The following PRKDC variants were observed in gnomAD, a reference collection of about 807,000 sequenced individuals.
The protein encoded by PRKDC is protein kinase, DNA-activated, catalytic subunit, also known as DNA-dependent protein kinase catalytic subunit.
In PRKDC, 82 loss-of-function variants were observed where a neutral mutation model predicts 486.9. The ratio of observed to expected loss-of-function variants is 0.17; its 90% confidence interval spans 0.14 to 0.20. The LOEUF is 0.20. Among genes scored for constraint, PRKDC ranks in the 10% least tolerant of loss-of-function variants. The pLI, the probability that PRKDC is intolerant of heterozygous loss-of-function variation, is 1.00. For missense variants in PRKDC, 4,504 were observed against 5,038.2 expected, an observed-to-expected ratio of 0.89 and a Z score of 3.21; for synonymous variants, 1,895 against 1,837.0, an observed-to-expected ratio of 1.03 and a Z score of -0.81.
intron 83 of PRKDC, 112 bp from the exon 84 acceptor site, chr8:47,777,986 G>C (rs2086634859): frequency 4.0e-6 from 4 of 1,007,828 alleles, no homozygotes. Flanking sequence ...TAAAAATACA[G>C]ACTCTGCTTC....
At chr8:47,879,397 A>T (rs2089159149) in intron 39 of PRKDC, 94 bp downstream of exon 39, 1 of 1,188,984 alleles carries the variant, frequency 8.4e-7, no homozygotes, top group Admixed American at 2.9e-5. Context: ...AACTTCTCTG[A>T]TTGTGGATAT....
intron 11 of PRKDC, among the ~76,000 whole-genome samples, chr8:47,937,252 C>G (rs2090368391): frequency 6.6e-6 from 1 of 152,010 alleles, no homozygotes; most frequent in Admixed American, 6.5e-5. Context: ...CAGTGAGGTT[C>G]CACCTCAAAA....
chr8:47,827,630 CT>C, intron 62 of PRKDC, among the ~76,000 whole-genome samples: 1 of 152,350 alleles, frequency 6.6e-6, no homozygotes, highest in Admixed American at 6.5e-5. Flanking sequence ...TCTTACACTG[CT>C]TTAACACTTC....
At position 47,929,098 on chromosome 8, in the gene PRKDC, G is replaced by A; in HGVS notation, c.2133C>T (p.Gly711=). The change falls in exon 19 of 86, where the codon GGC becomes GGT. Residue 711 remains glycine, a synonymous_variant. Coordinates refer to ENST00000314191, the MANE Select transcript of PRKDC (RefSeq NM_006904.7). ...YSCFALFVKF[G]KEVAVKMKQY... The stretch of plus-strand genomic sequence containing the variant: ...TAAATCATTTAAAAATTACCTCTTT[G>A]CCAAATTTCACAAATAAAGCAAAGC... 2 of 1,557,534 alleles carry A rather than the reference G, an allele frequency of 1.3e-6. No homozygotes were observed. The highest frequency in any genetic ancestry group is 8.7e-7 in the Non-Finnish European group (1 of 1,146,374).
chr8:47,943,875 C>T lies in PRKDC; in HGVS notation c.786G>A (p.Leu262=). ...TACCTGAGGGCACAGCATATCTCTT[C>T]AGATCAATCTATTTTAGAAAAGAAA... ...VLKAIRPQID[L]KRYAVPSAGL... is the part of the protein sequence containing the mutation. Residue 262 remains leucine, a synonymous_variant, in exon 9 of 86, where the codon CTG becomes CTA. Transcript: ENST00000314191. 1 of 1,593,486 alleles carries T rather than the reference C, an allele frequency of 6.3e-7. No homozygotes were observed. Among genetic ancestry groups the T allele is most frequent in the African/African-American group, 1.3e-5 (1 of 74,428 alleles).
intron 25 of PRKDC, among the ~76,000 whole-genome samples, chr8:47,909,790 T>G (rs1563798774): frequency 1.3e-5 from 2 of 152,170 alleles, no homozygotes; most frequent in Non-Finnish European, 2.9e-5. Context: ...AATATGGCCT[T>G]GTCTCCTGCA....
chr8:47,903,454 A>G (rs1288079871), intron 26 of PRKDC, among the ~76,000 whole-genome samples: 4 of 152,242 alleles, frequency 2.6e-5, no homozygotes, highest in Non-Finnish European at 5.9e-5. Flanking sequence ...TAACACTTCC[A>G]GTTATCTGCT....
rs1447974190 is a variant in PRKDC, at chr8:47,789,009, G to A, written c.10799C>T (p.Pro3600Leu). ...TTTTTCAATGTTTTTTTTATTTACAGGGGTTTTTGCTAGTTCAGCTCTTAC... is the reference window on the plus strand; with the variant it reads ...TTTTTCAATGTTTTTTTTATTTACAAGGGTTTTTGCTAGTTCAGCTCTTAC... The part of the protein sequence containing the change: ...NDVRAELAKT[P>L]VNKKNIEKMY... The change falls in exon 76 of 86, where the codon CCT (proline) becomes CTT (leucine). Residue 3600 changes from proline (P) to leucine (L), a missense_variant. By Grantham distance (98) the Pro-to-Leu change is moderately conservative. Coordinates refer to ENST00000314191, the MANE Select transcript of PRKDC (RefSeq NM_006904.7). 2 of 1,612,390 alleles carry A rather than the reference G, an allele frequency of 1.2e-6. No individual in the cohort carries two copies. The highest frequency in any genetic ancestry group is 1.7e-5 in the Admixed American group (1 of 59,884).
rs1483255592 is a variant in PRKDC at position 47,882,032 on chromosome 8, T to C, written c.4842A>G (p.Gln1614=). 1 of 1,614,042 alleles carries C rather than the reference T, an allele frequency of 6.2e-7. No homozygotes were observed. Among genetic ancestry groups the C allele is most frequent in the Non-Finnish European group, 8.5e-7 (1 of 1,179,876 alleles). Residue 1614 remains glutamine, a synonymous_variant, in exon 37 of 86, where the codon CAA becomes CAG. Transcript: ENST00000314191. ...SFRERANQKH[Q]GLKLATTILQ... is the part of the protein sequence containing the mutation. Reference sequence around the variant, plus strand: ...GAATTGTAGTCGCAAGTTTCAGTCCTTGGTGTTTCTGGTTTGCTCGCTCCC... The same window carrying C: ...GAATTGTAGTCGCAAGTTTCAGTCCCTGGTGTTTCTGGTTTGCTCGCTCCC...
intron 68 of PRKDC, among the ~76,000 whole-genome samples, chr8:47,813,219 G>A (rs1443659934): frequency 2.0e-5 from 3 of 151,956 alleles, no homozygotes; most frequent in Admixed American, 6.6e-5. Context: ...CTGGGTTCAA[G>A]TGATTCTCCT....
At chr8:47,812,854 T>C (rs950753525) in intron 68 of PRKDC, among the ~76,000 whole-genome samples, 1 of 151,712 alleles carries the variant, frequency 6.6e-6, no homozygotes, top group Non-Finnish European at 1.5e-5. Flanking sequence ...GAATCAAGTG[T>C]TAAAAAAGAG....
chr8:47,927,782 G>C lies in PRKDC; in HGVS notation c.2248C>G (p.Pro750Ala). 3 of 1,562,698 alleles carry C rather than the reference G, an allele frequency of 1.9e-6. No homozygotes were observed. The highest frequency in any genetic ancestry group is 2.6e-6 in the Non-Finnish European group (3 of 1,159,342). ...AAGACAACGCCTACCTGCAGTGCAGGAACGTAGGCTCTAACATCGAGTTCA... is the reference window on the plus strand; with the variant it reads ...AAGACAACGCCTACCTGCAGTGCAGCAACGTAGGCTCTAACATCGAGTTCA... ...IIELDVRAYV[P>A]ALQMAFKLGL... is the part of the protein sequence containing the mutation. Residue 750 changes from proline (P) to alanine (A), a missense_variant, in exon 20 of 86, where the codon CCT (proline) becomes GCT (alanine). This residue lies in a region of PRKDC where 1,969 missense variants were observed against 2,068.9 expected (regional missense o/e 0.95). Transcript: ENST00000314191.
intron 69 of PRKDC, 132 bp downstream of exon 69, chr8:47,807,005 T>C: frequency 1.0e-6 from 1 of 960,034 alleles, no homozygotes; most frequent in East Asian, 2.8e-5. Context: ...CAAGTTTACT[T>C]ATAAAGAGAG....
intron 21 of PRKDC, among the ~76,000 whole-genome samples, chr8:47,923,738 C>T (rs779910640): frequency 4.6e-5 from 7 of 152,242 alleles, no homozygotes; most frequent in Non-Finnish European, 8.8e-5. Flanking sequence ...AATTGAGAAT[C>T]ATGCTCCAGC....
chr8:47,824,267 AG>A (rs2087674618), intron 63 of PRKDC, among the ~76,000 whole-genome samples: 2 of 152,046 alleles, frequency 1.3e-5, no homozygotes, highest in African/African-American at 4.8e-5. Flanking sequence ...TGAGGTCAGG[AG>A]TTCAGATCAG....
intron 21 of PRKDC, among the ~76,000 whole-genome samples, chr8:47,922,546 T>G (rs1002946118): frequency 5.9e-5 from 9 of 151,372 alleles, no homozygotes; most frequent in Middle Eastern, 3.4e-3. Flanking sequence ...CCTTAAGTGA[T>G]CCTCATCCCT....
chr8:47,920,776 T>G (rs1460017209), intron 21 of PRKDC, among the ~76,000 whole-genome samples: 1 of 152,234 alleles, frequency 6.6e-6, no homozygotes, highest in Non-Finnish European at 1.5e-5. Flanking sequence ...AAGCTAACAT[T>G]ACTTCTCATA....
At chr8:47,835,915 G>A (rs1298639154) in intron 58 of PRKDC, among the ~76,000 whole-genome samples, 1 of 151,976 alleles carries the variant, frequency 6.6e-6, no homozygotes. Flanking sequence ...ACAGGCGTGC[G>A]CCACCATGCC....
chr8:47,890,296 A>G lies in PRKDC; in HGVS notation c.4032T>C (p.Phe1344=). 1 of 1,612,644 alleles carries G rather than the reference A, an allele frequency of 6.2e-7. No individual in the cohort carries two copies. Among genetic ancestry groups the G allele is most frequent in the Non-Finnish European group, 8.5e-7 (1 of 1,179,782 alleles). ...KCTVVVRIME[F]TTTLLNTSPE... is the part of the protein sequence containing the mutation. ...GGGAGGTGTTTAGCAGAGTCGTGGT[A>G]AACTCCATAATCCGGACCACAACGG... The change falls in exon 32 of 86, where the codon TTT becomes TTC. Residue 1344 remains phenylalanine, a synonymous_variant. Transcript: ENST00000314191.
Sources: allele counts gnomAD v4.1 joint callset (sites outside exome capture counted in the v4.1 genomes callset), GRCh38; gene constraint gnomAD v4.1.1; regional missense constraint gnomAD v4.1.1; transcripts MANE v1.5; gene names NCBI Gene and HGNC (gene_info 2026-07-23, HGNC 2026-07-21).